The following NDUFC1 variants were observed in gnomAD, a reference collection of about 807,000 sequenced individuals.
The protein encoded by NDUFC1 is NADH dehydrogenase [ubiquinone] 1 subunit C1, mitochondrial.
Under a neutral mutation model 11.6 loss-of-function variants are expected in NDUFC1, and 11 were observed. The observed-to-expected ratio is 0.95, with a 90% CI of 0.60 to 1.58. The LOEUF (loss-of-function observed/expected upper bound fraction) is 1.58. NDUFC1 is among the 40% of genes most tolerant of loss of function. The probability of loss-of-function intolerance (pLI) is 0.00; values close to 1 mark genes in which losing one functional copy is unlikely to be tolerated. For synonymous variants in NDUFC1, 52 were observed against 42.2 expected (o/e 1.23, Z -0.90); for missense variants, 112 against 93.0 (o/e 1.20, Z -0.84).
chr4:139,295,384 G>C (rs925378562), intron 3 of NDUFC1, among the ~76,000 whole-genome samples: 3 of 152,162 alleles, frequency 2.0e-5, no homozygotes, highest in Non-Finnish European at 4.4e-5. Context: ...AGGGCTTGCG[G>C]ACCCTCAGAC....
intron 1 of NDUFC1, among the ~76,000 whole-genome samples, 196 bp from the exon 2 acceptor site, chr4:139,297,639 TG>T (rs1232828337): frequency 6.6e-6 from 1 of 151,970 alleles, no homozygotes; most frequent in East Asian, 1.9e-4. Context: ...ATTTTTCCAC[TG>T]GGAAAAAATC....
chr4:139,292,374 G>A (rs1745265361), intron 5 of NDUFC1, among the ~76,000 whole-genome samples, 156 bp downstream of exon 5: 1 of 150,122 alleles, frequency 6.7e-6, no homozygotes, highest in African/African-American at 2.5e-5. Context: ...CTTGAGGCAA[G>A]GTATTACAAA....
chr4:139,292,120 A>T (rs1745249680), intron 5 of NDUFC1, among the ~76,000 whole-genome samples: 1 of 152,160 alleles, frequency 6.6e-6, no homozygotes, highest in Admixed American at 6.5e-5. Context: ...TACAGGCGTG[A>T]GCCACCGCGC....
intron 1 of NDUFC1, among the ~76,000 whole-genome samples, chr4:139,299,910 T>C (rs140960618): frequency 6.6e-6 from 1 of 152,318 alleles, no homozygotes; most frequent in Non-Finnish European, 1.5e-5. Context: ...TAGAGAACTA[T>C]AGCAAATAGT....
chr4:139,298,892 C>T (rs1745588650), intron 1 of NDUFC1, among the ~76,000 whole-genome samples: 1 of 151,930 alleles, frequency 6.6e-6, no homozygotes, highest in Non-Finnish European at 1.5e-5. Context: ...CCAGGTTGGT[C>T]TCAAACTTCT....
intron 3 of NDUFC1, 45 bp from the exon 4 acceptor site, chr4:139,295,191 T>C (rs373527681): frequency 1.3e-5 from 19 of 1,482,352 alleles, no homozygotes; most frequent in Non-Finnish European, 1.7e-5. Flanking sequence ...TACTGCCTTG[T>C]AGGGAAAAAA....
At chr4:139,294,108 A>T (rs1467065046) in intron 4 of NDUFC1, among the ~76,000 whole-genome samples, 2 of 151,136 alleles carry the variant, frequency 1.3e-5, no homozygotes, top group South Asian at 2.1e-4. Flanking sequence ...CACCTGGCTA[A>T]TTTTTTTTGT....
At chr4:139,294,393 G>T (rs1028028781) in intron 4 of NDUFC1, among the ~76,000 whole-genome samples, 2 of 151,996 alleles carry the variant, frequency 1.3e-5, no homozygotes, top group African/African-American at 2.4e-5. Context: ...ATCTGAAAAA[G>T]GTACCTTCAT....
At chr4:139,301,883 G>A (rs776320109) in intron 1 of NDUFC1, 21 of 1,544,622 alleles carry the variant, frequency 1.4e-5, no homozygotes, top group Non-Finnish European at 1.5e-5. Flanking sequence ...CGGTAACCGG[G>A]CCTGTCACCC....
chr4:139,296,325 C>T (rs1745475703), intron 2 of NDUFC1: 1 of 153,658 alleles, frequency 6.5e-6, no homozygotes, highest in South Asian at 1.9e-4. Flanking sequence ...GATCTCTTAA[C>T]ACTTACCACT....
At chr4:139,299,892 G>A (rs928384851) in intron 1 of NDUFC1, among the ~76,000 whole-genome samples, 2 of 152,156 alleles carry the variant, frequency 1.3e-5, no homozygotes, top group Admixed American at 1.3e-4. Context: ...TTCTTTACAG[G>A]AGAAATTTAG....
In NDUFC1 at chr4:139,298,206, G is replaced by A. The variant is rs920861195; in HGVS notation, c.-221-763C>T. On this transcript the variant is annotated intron_variant, in intron 1 of 5. Transcript: ENST00000394223. ...TGTAATCCCAGCACTTTGGGAGGCC[G>A]AGGCGGGCGGATCACCTGAGGTCGG... 3.9e-5 allele frequency among the ~76,000 whole-genome samples: 6 copies of A among 152,136 alleles called. No homozygotes were observed. In the East Asian group the frequency reaches 7.7e-4, roughly 20 times the overall value.
At chr4:139,292,820 A>T (rs958995418) in intron 4 of NDUFC1, among the ~76,000 whole-genome samples, 1 of 150,960 alleles carries the variant, frequency 6.6e-6, no homozygotes, top group Non-Finnish European at 1.5e-5. Context: ...ATATATATAT[A>T]TATATTTATT....
intron 1 of NDUFC1, chr4:139,301,807 G>T (rs1473664568): frequency 6.3e-7 from 1 of 1,592,964 alleles, no homozygotes; most frequent in Admixed American, 1.7e-5. Context: ...CGCCCAAGGA[G>T]AATGCGCTCT....
chr4:139,301,439 A>G (rs1000449463), intron 1 of NDUFC1: 3 of 435,586 alleles, frequency 6.9e-6, no homozygotes, highest in Non-Finnish European at 8.1e-6. Context: ...TGGGGAAAGG[A>G]GGTCACCGCG....
chr4:139,298,120 A>C (rs1219031527), intron 1 of NDUFC1, among the ~76,000 whole-genome samples: 1 of 152,094 alleles, frequency 6.6e-6, no homozygotes, highest in Non-Finnish European at 1.5e-5. Flanking sequence ...CCCACACACC[A>C]AGATGTATCT....
At chr4:139,301,481 A>C (rs1328214218) in intron 1 of NDUFC1, 1 of 454,632 alleles carries the variant, frequency 2.2e-6, no homozygotes, top group Non-Finnish European at 3.9e-6. Context: ...CCCGGGTGGG[A>C]AAACCCTCCG....
In NDUFC1 at chr4:139,295,032, A is replaced by C; in HGVS notation, c.171+11T>G. 2 of 1,603,308 alleles carry C rather than the reference A, an allele frequency of 1.2e-6. No homozygotes were observed. The highest frequency in any genetic ancestry group is 1.7e-6 in the Non-Finnish European group (2 of 1,170,640). On this transcript the variant is annotated intron_variant, in intron 4 of 5. Transcript: ENST00000394223. Reference sequence around the variant, plus strand: ...GTGTAGTCTCACGACATCCGGGAGTAAAGTACTTACATAGATCCACAAGAA... The same window carrying C: ...GTGTAGTCTCACGACATCCGGGAGTCAAGTACTTACATAGATCCACAAGAA...
chr4:139,301,555 C>A, intron 1 of NDUFC1: 1 of 584,120 alleles, frequency 1.7e-6, no homozygotes. Context: ...CGACGGAGAC[C>A]CGTAGTGGGG....
Sources: gnomAD v4.1 joint callset for allele counts (sites outside exome capture counted in the v4.1 genomes callset) on GRCh38, gnomAD v4.1.1 for gene constraint, MANE v1.5 for transcripts, NCBI Gene and HGNC (gene_info 2026-07-23, HGNC 2026-07-21) for gene names.